The following AIG1 variants were observed in gnomAD, a reference collection of about 807,000 sequenced individuals.
AIG1 encodes androgen induced 1.
A neutral mutation model predicts 31.4 loss-of-function variants in AIG1; 23 were observed. The ratio of observed to expected loss-of-function variants is 0.73; its 90% confidence interval spans 0.53 to 1.04. AIG1 has a LOEUF of 1.04. AIG1 is among the 50% of genes least tolerant of loss of function. The pLI is 0.00. For missense variants in AIG1, 274 were observed against 295.0 expected, an observed-to-expected ratio of 0.93 and a Z score of 0.52; for synonymous variants, 100 against 110.5, an observed-to-expected ratio of 0.90 and a Z score of 0.60.
chr6:143,137,102 C>T, intron 2 of AIG1, 112 bp downstream of exon 2: 1 of 1,171,400 alleles, frequency 8.5e-7, no homozygotes, highest in Non-Finnish European at 1.1e-6. Context: ...TATTAGTTTG[C>T]TGGAGCTGTC....
chr6:143,301,863 G>T (rs1798847477), intron 4 of AIG1, among the ~76,000 whole-genome samples: 1 of 152,190 alleles, frequency 6.6e-6, no homozygotes, highest in Non-Finnish European at 1.5e-5. Flanking sequence ...ATAGAATATT[G>T]ATAGTGCTAG....
chr6:143,313,386 G>T (rs186422662), intron 4 of AIG1, among the ~76,000 whole-genome samples: 62 of 152,204 alleles, frequency 4.1e-4, no homozygotes, highest in African/African-American at 1.4e-3. Context: ...AAAGAAGGAG[G>T]TTCTGCCATT....
intron 1 of AIG1, among the ~76,000 whole-genome samples, chr6:143,090,794 T>C (rs1779234034): frequency 6.6e-6 from 1 of 152,228 alleles, no homozygotes; most frequent in African/African-American, 2.4e-5. Context: ...TGGTGGTTGC[T>C]GAAGGTTGGG....
intron 3 of AIG1, among the ~76,000 whole-genome samples, chr6:143,263,768 C>T (rs1187828334): frequency 1.3e-5 from 2 of 151,978 alleles, no homozygotes; most frequent in Non-Finnish European, 1.5e-5. Flanking sequence ...TATAATATTC[C>T]ACCGAGTGGA....
chr6:143,322,396 G>T (rs906514370), intron 4 of AIG1, among the ~76,000 whole-genome samples: 2 of 152,184 alleles, frequency 1.3e-5, no homozygotes, highest in African/African-American at 4.8e-5. Flanking sequence ...GCCGTGTTTT[G>T]ATGATTGCTT....
chr6:143,110,420 A>G (rs1261611292), intron 1 of AIG1, among the ~76,000 whole-genome samples: 2 of 152,200 alleles, frequency 1.3e-5, no homozygotes, highest in Admixed American at 6.5e-5. Flanking sequence ...ATTTTTCAAT[A>G]TTGTACCTTC....
chr6:143,262,460 T>G (rs922232882), intron 3 of AIG1, among the ~76,000 whole-genome samples: 1 of 152,276 alleles, frequency 6.6e-6, no homozygotes, highest in African/African-American at 2.4e-5. Context: ...TTTTTCAAGC[T>G]GCAAAGCAAA....
chr6:143,270,107 G>A lies in AIG1; in HGVS notation c.400-14003G>A, dbSNP rs76744408. 4.7e-3 allele frequency among the ~76,000 whole-genome samples: 722 copies of A among 152,310 alleles called. 8 individuals are homozygous for A. Among genetic ancestry groups the A allele is most frequent in the African/African-American group, 0.015 (639 of 41,568 alleles). On this transcript the variant is annotated intron_variant, in intron 3 of 5. Coordinates refer to ENST00000357847, the MANE Select transcript of AIG1 (RefSeq NM_016108.4). ...ATTCAAACAGGACCCCTACTGTCCA[G>A]TACTGCAGACTCCTATAGATGACAA...
intron 2 of AIG1, among the ~76,000 whole-genome samples, chr6:143,158,607 A>C (rs1293077150): frequency 6.6e-6 from 1 of 152,168 alleles, no homozygotes; most frequent in African/African-American, 2.4e-5. Context: ...CTTGATCTTG[A>C]AGTCCAGAGG....
intron 3 of AIG1, among the ~76,000 whole-genome samples, chr6:143,238,326 C>T (rs1490055671): frequency 6.6e-6 from 1 of 152,178 alleles, no homozygotes; most frequent in Non-Finnish European, 1.5e-5. Flanking sequence ...CAAAATGGCT[C>T]CTGTTGTGCC....
At chr6:143,235,092 G>A (rs1793713839) in intron 3 of AIG1, among the ~76,000 whole-genome samples, 1 of 150,548 alleles carries the variant, frequency 6.6e-6, no homozygotes. Context: ...TAGATGATGT[G>A]GTAGGAGGTA....
intron 1 of AIG1, among the ~76,000 whole-genome samples, chr6:143,076,963 G>T (rs1212738089): frequency 6.6e-6 from 1 of 152,138 alleles, no homozygotes; most frequent in African/African-American, 2.4e-5. Flanking sequence ...GAGCGACCGT[G>T]CCCGGCCTTG....
chr6:143,332,395 T>C (rs995851624), intron 4 of AIG1, among the ~76,000 whole-genome samples: 2 of 152,254 alleles, frequency 1.3e-5, no homozygotes, highest in Admixed American at 1.3e-4. Context: ...ATGGAGCCGA[T>C]ATTCTAACTA....
chr6:143,262,988 A>G (rs1583661535), intron 3 of AIG1, among the ~76,000 whole-genome samples: 1 of 152,234 alleles, frequency 6.6e-6, no homozygotes, highest in Non-Finnish European at 1.5e-5. Flanking sequence ...AGATGAGCAG[A>G]TTGACAGAAG....
intron 2 of AIG1, among the ~76,000 whole-genome samples, chr6:143,155,353 G>A (rs1288354720): frequency 6.6e-6 from 1 of 152,148 alleles, no homozygotes; most frequent in South Asian, 2.1e-4. Context: ...AGACAAGGGG[G>A]CCCAAAGCTG....
rs912538007 is a variant in AIG1, at chr6:143,119,491, C to T, written c.142-17344C>T. ...TTGTACTTACCTTAACAGATGCATACTTTGGAAGTGAACAGCATTGAAGCA... is the reference window on the plus strand; with the variant it reads ...TTGTACTTACCTTAACAGATGCATATTTTGGAAGTGAACAGCATTGAAGCA... On this transcript the variant is annotated intron_variant, in intron 1 of 5. Transcript: ENST00000357847. 4.3e-4 allele frequency among the ~76,000 whole-genome samples: 65 copies of T among 152,198 alleles called. 1 individual carries two copies. The highest frequency in any genetic ancestry group is 1.6e-3 in the African/African-American group (65 of 41,458).
chr6:143,330,213 G>A lies in AIG1; in HGVS notation c.516-3069G>A, dbSNP rs1776960202. ...ATTGGACAAAATTCCTTTGCTCATT[G>A]AATAGACAATAAACAGACAAATAAA... On this transcript the variant is annotated intron_variant, in intron 4 of 5. Coordinates refer to ENST00000357847, the MANE Select transcript of AIG1 (RefSeq NM_016108.4). This position sits in a 1 kb window ranked among gnomAD's most constrained non-coding sequence, Gnocchi z 4.4. 6.6e-6 allele frequency among the ~76,000 whole-genome samples: 1 copy of A among 152,098 alleles called. No individual in the cohort carries two copies.
chr6:143,243,029 C>T (rs1469263733), intron 3 of AIG1, among the ~76,000 whole-genome samples: 2 of 152,062 alleles, frequency 1.3e-5, no homozygotes, highest in African/African-American at 4.8e-5. Flanking sequence ...AACATTATTT[C>T]CATCCTAGAT....
chr6:143,103,608 C>T (rs548416281), intron 1 of AIG1, among the ~76,000 whole-genome samples: 11 of 147,294 alleles, frequency 7.5e-5, no homozygotes, highest in African/African-American at 2.5e-4. Flanking sequence ...CCCGGGTTCA[C>T]GCCATTCTCC....
Sources: gnomAD v4.1 joint callset for allele counts (sites outside exome capture counted in the v4.1 genomes callset) on GRCh38, gnomAD v4.1.1 for gene constraint, Gnocchi (gnomAD v3.1) non-coding constraint, MANE v1.5 for transcripts, NCBI Gene and HGNC (gene_info 2026-07-23, HGNC 2026-07-21) for gene names.